The following ATF5 variants were observed in gnomAD, a reference collection of about 807,000 sequenced individuals.
The protein encoded by ATF5 is cyclic AMP-dependent transcription factor ATF-5.
Under a neutral mutation model 4.6 loss-of-function variants are expected in ATF5, and 6 were observed. That is an observed-to-expected ratio of 1.31 (90% confidence interval 0.72 to 2.59). ATF5 has a LOEUF of 2.59. Among genes scored for constraint, ATF5 ranks in the 30% most tolerant of loss-of-function variants. The pLI, the probability that ATF5 is intolerant of heterozygous loss-of-function variation, is 0.00. For missense variants in ATF5, 410 were observed against 368.7 expected (o/e 1.11, Z -0.92); for synonymous variants, 193 against 165.0 (o/e 1.17, Z -1.30).
rs1231723994 is a variant in ATF5, at chr19:49,933,593, A to T, written c.*501A>T. 6.5e-6 allele frequency: 1 copy of T among 154,514 alleles called. No homozygotes were observed. The highest frequency in any genetic ancestry group is 1.4e-5 in the Non-Finnish European group (1 of 69,362). 9.6% of individuals were successfully genotyped at this position (154,514 alleles called of 1,614,324 possible). Reference sequence around the variant, plus strand: ...CTGGGGTGGGTGGAGTGGCGACAGGATAGAGCTGAAGGACTATGCAAATGA... The same window carrying T: ...CTGGGGTGGGTGGAGTGGCGACAGGTTAGAGCTGAAGGACTATGCAAATGA... On this transcript the variant is annotated 3_prime_UTR_variant, in exon 3 of 3. Transcript: ENST00000423777.
In ATF5 at chr19:49,932,446, C is replaced by A. The variant is rs745339766; in HGVS notation, c.203C>A (p.Thr68Asn). Reference protein sequence around the residue: ...LAGDGFSDWMTERVDFTALLP... With the variant: ...LAGDGFSDWMNERVDFTALLP... ...GGTGATGGCTTCTCTGACTGGATGA[C>A]TGAGCGAGTTGATTTCACAGCTCTC... Residue 68 changes from threonine to asparagine, a missense_variant, in exon 3 of 3, where the codon ACT becomes AAT. Transcript: ENST00000423777. 2 of 1,613,912 alleles carry A rather than the reference C, an allele frequency of 1.2e-6. No individual in the cohort carries two copies. The highest frequency in any genetic ancestry group is 1.7e-6 in the Non-Finnish European group (2 of 1,179,892).
intron 1 of ATF5, chr19:49,930,457 G>GTT (rs773330574): frequency 0.067 from 6,965 of 104,112 alleles, 240 homozygotes; most frequent in African/African-American, 0.16. Context: ...AGACCTTTAG[G>GTT]TTTTTTTTTT....
At position 49,932,493 on chromosome 19, in the gene ATF5, C is replaced by T. The variant is rs766910065; in HGVS notation, c.250C>T (p.Pro84Ser). 1.4e-6 allele frequency: 2 copies of T among 1,476,948 alleles called. No homozygotes were observed. Among genetic ancestry groups the T allele is most frequent in the African/African-American group, 1.4e-5 (1 of 69,770 alleles). The allele number at this position is 1,476,948 out of a possible 1,614,324, so 91.5% of individuals were successfully genotyped here. ...TCTCCTCCCTCTGGAGCCTCCCTTACCCCCCGGCACCCTCCCCCAACCTTC... is the reference window on the plus strand; with the variant it reads ...TCTCCTCCCTCTGGAGCCTCCCTTATCCCCCGGCACCCTCCCCCAACCTTC... ...TALLPLEPPL[P>S]PGTLPQPSPT... Residue 84 changes from proline to serine, a missense_variant, in exon 3 of 3, where the codon CCC (proline) becomes TCC (serine). Coordinates refer to ENST00000423777, the MANE Select transcript of ATF5 (RefSeq NM_001193646.2).
chr19:49,932,757 C>A lies in ATF5; in HGVS notation c.514C>A (p.Gln172Lys), dbSNP rs201970815. The A allele has an allele frequency of 3.1e-6, 5 of 1,608,558 alleles. No homozygotes were observed. The East Asian group carries it at 1.1e-4, about 36-fold the overall frequency. ...LAIYCRNEAG[Q>K]EEVGMPPLPP... ...CATCTACTGCCGCAACGAGGCCGGG[C>A]AGGAGGAAGTGGGGATGCCGCCTCT... The change falls in exon 3 of 3, where the codon CAG (glutamine) becomes AAG (lysine). Residue 172 changes from glutamine to lysine, a missense_variant. Coordinates refer to ENST00000423777, the MANE Select transcript of ATF5 (RefSeq NM_001193646.2).
At position 49,932,958 on chromosome 19, in the gene ATF5, G is replaced by A. The variant is rs2076082162; in HGVS notation, c.715G>A (p.Glu239Lys). The change falls in exon 3 of 3, where the codon GAG (glutamate) becomes AAG (lysine). Residue 239 changes from glutamate to lysine, a missense_variant. By Grantham distance (56) the Glu-to-Lys change is moderately conservative. Coordinates refer to ENST00000423777, the MANE Select transcript of ATF5 (RefSeq NM_001193646.2). ...KRAEGEALEG[E>K]CQGLEARNRE... The stretch of plus-strand genomic sequence containing the variant: ...GGCAGAGGGTGAGGCCCTGGAGGGC[G>A]AGTGCCAGGGGCTGGAGGCACGGAA... 7 of 1,613,906 alleles carry A rather than the reference G, an allele frequency of 4.3e-6. No homozygotes were observed. In the African/African-American group the frequency reaches 5.3e-5, roughly 12 times the overall value.
Position 49,932,866 on chromosome 19 carries a change from G to T in ATF5, c.623G>T (p.Gly208Val). The T allele has an allele frequency of 6.2e-7, 1 of 1,613,022 alleles. No individual in the cohort carries two copies. The highest frequency in any genetic ancestry group is 1.1e-5 in the South Asian group (1 of 90,956). The change falls in exon 3 of 3, where the codon GGG becomes GTG. Residue 208 changes from glycine (G) to valine (V), a missense_variant. Coordinates refer to ENST00000423777, the MANE Select transcript of ATF5 (RefSeq NM_001193646.2). ...TACCCACATCCTGCCACCACCCGAGGGGACCGCAAGCAAAAGAAGAGAGAC... is the reference window on the plus strand; with the variant it reads ...TACCCACATCCTGCCACCACCCGAGTGGACCGCAAGCAAAAGAAGAGAGAC... ...APYPHPATTRGDRKQKKRDQN... is the reference protein window; with the variant it reads ...APYPHPATTRVDRKQKKRDQN...
chr19:49,931,010 G>T lies in ATF5; in HGVS notation c.160G>T (p.Gly54Trp), dbSNP rs780825597. The T allele has an allele frequency of 3.2e-6, 5 of 1,554,042 alleles. No homozygotes were observed. The East Asian group carries it at 7.0e-5, about 22-fold the overall frequency. Reference protein sequence around the residue: ...GGALEGGLPVGGEPLAGDGFS... With the variant: ...GGALEGGLPVWGEPLAGDGFS... Reference sequence around the variant, plus strand: ...AGCCCTGGAGGGCGGGCTTCCAGTGGGGGGAGAGCCCCTGGCAGGTAAGGG... The same window carrying T: ...AGCCCTGGAGGGCGGGCTTCCAGTGTGGGGAGAGCCCCTGGCAGGTAAGGG... Residue 54 changes from glycine (G) to tryptophan (W), a missense_variant, in exon 2 of 3, where the codon GGG becomes TGG. Gly to Trp is a radical substitution (Grantham distance 184, BLOSUM62 -2). Transcript: ENST00000423777.
chr19:49,932,959 A>G lies in ATF5; in HGVS notation c.716A>G (p.Glu239Gly), dbSNP rs201848623. 6.2e-7 allele frequency: 1 copy of G among 1,614,022 alleles called. No homozygotes were observed. The highest frequency in any genetic ancestry group is 1.7e-5 in the Admixed American group (1 of 60,006). The change falls in exon 3 of 3, where the codon GAG becomes GGG. Residue 239 changes from glutamate to glycine, a missense_variant. By Grantham distance (98) the Glu-to-Gly change is moderately conservative. Transcript: ENST00000423777. Reference protein sequence around the residue: ...KRAEGEALEGECQGLEARNRE... With the variant: ...KRAEGEALEGGCQGLEARNRE... ...GCAGAGGGTGAGGCCCTGGAGGGCG[A>G]GTGCCAGGGGCTGGAGGCACGGAAT...
In ATF5 at chr19:49,932,570, G is replaced by A. The variant is rs757057492; in HGVS notation, c.327G>A (p.Leu109=). The A allele has an allele frequency of 5.0e-6, 8 of 1,597,046 alleles. No homozygotes were observed. In the South Asian group the frequency reaches 8.9e-5, roughly 18 times the overall value. The change falls in exon 3 of 3, where the codon CTG becomes CTA. Residue 109 remains leucine (L), a synonymous_variant. Transcript: ENST00000423777. The part of the protein sequence containing the change: ...EAMASLLKKE[L]EQMEDFFLDA... The stretch of plus-strand genomic sequence containing the variant: ...TGGCCTCCCTCCTCAAGAAGGAGCT[G>A]GAACAGATGGAAGACTTCTTCCTAG...
intron 2 of ATF5, among the ~76,000 whole-genome samples, chr19:49,931,503 C>T (rs34832536): frequency 0.16 from 23,912 of 152,010 alleles, 2,489 homozygotes; most frequent in Non-Finnish European, 0.24. Flanking sequence ...AAAAATTAGC[C>T]AGGCATGGTG....
At chr19:49,929,529 T>A (rs2076016644) in intron 1 of ATF5, 129 bp downstream of exon 1, 2 of 151,968 alleles carry the variant, frequency 1.3e-5, no homozygotes, top group Non-Finnish European at 2.9e-5. Context: ...GCAGAAGTAG[T>A]ACGGTGGGCC....
At position 49,933,163 on chromosome 19, in the gene ATF5, A is replaced by C. The variant is rs774334873; in HGVS notation, c.*71A>C. Reference sequence around the variant, plus strand: ...CCTTCATCCCCCTGCCTCTACCTTCATTCCAAACCCCTCTCGGCCGGGTGC... The same window carrying C: ...CCTTCATCCCCCTGCCTCTACCTTCCTTCCAAACCCCTCTCGGCCGGGTGC... On this transcript the variant is annotated 3_prime_UTR_variant, in exon 3 of 3. Transcript: ENST00000423777. The C allele has an allele frequency of 5.5e-6, 8 of 1,443,854 alleles. No individual in the cohort carries two copies. In the South Asian group the frequency reaches 1.1e-4, roughly 21 times the overall value. 89.4% of individuals were successfully genotyped at this position (1,443,854 alleles called of 1,614,324 possible).
chr19:49,929,031 G>A (rs2075988923), upstream of ATF5: 1 of 152,350 alleles, frequency 6.6e-6, no homozygotes, highest in Admixed American at 6.5e-5. Context: ...TGAGAGGGAG[G>A]AGGGTCCCGG....
chr19:49,929,806 G>T (rs2076025662), intron 1 of ATF5: 1 of 152,280 alleles, frequency 6.6e-6, no homozygotes, highest in Non-Finnish European at 1.5e-5. Context: ...GACCGCTCGG[G>T]CGACGTAGCA....
chr19:49,931,278 G>A (rs1479869123), intron 2 of ATF5: 1 of 406,310 alleles, frequency 2.5e-6, no homozygotes, highest in Non-Finnish European at 4.3e-6. Context: ...TAGCAGCTGA[G>A]CTACAAAATG....
At chr19:49,929,172 T>C (rs772636098), upstream of ATF5, 1 of 144,906 alleles carries the variant, frequency 6.9e-6, no homozygotes, top group African/African-American at 2.5e-5. Flanking sequence ...CGCCACCCAG[T>C]ATATATCTGT....
chr19:49,932,487 C>T lies in ATF5; in HGVS notation c.244C>T (p.Pro82Ser), dbSNP rs1159632230. 5 of 1,599,082 alleles carry T rather than the reference C, an allele frequency of 3.1e-6. No homozygotes were observed. The highest frequency in any genetic ancestry group is 1.7e-5 in the Admixed American group (1 of 59,586). Residue 82 changes from proline to serine, a missense_variant, in exon 3 of 3, where the codon CCC becomes TCC. Physicochemically the swap from Pro to Ser is moderately conservative, Grantham distance 74. Transcript: ENST00000423777. ...DFTALLPLEPPLPPGTLPQPS... is the reference protein window; with the variant it reads ...DFTALLPLEPSLPPGTLPQPS... Reference sequence around the variant, plus strand: ...CACAGCTCTCCTCCCTCTGGAGCCTCCCTTACCCCCCGGCACCCTCCCCCA... The same window carrying T: ...CACAGCTCTCCTCCCTCTGGAGCCTTCCTTACCCCCCGGCACCCTCCCCCA...
In ATF5 at chr19:49,932,445, A is replaced by G. The variant is rs2076071803; in HGVS notation, c.202A>G (p.Thr68Ala). The change falls in exon 3 of 3, where the codon ACT becomes GCT. Residue 68 changes from threonine to alanine, a missense_variant. Physicochemically the swap from Thr to Ala is moderately conservative, Grantham distance 58. Transcript: ENST00000423777. ...LAGDGFSDWM[T>A]ERVDFTALLP... Reference sequence around the variant, plus strand: ...AGGTGATGGCTTCTCTGACTGGATGACTGAGCGAGTTGATTTCACAGCTCT... The same window carrying G: ...AGGTGATGGCTTCTCTGACTGGATGGCTGAGCGAGTTGATTTCACAGCTCT... 4.3e-6 allele frequency: 7 copies of G among 1,613,640 alleles called. No individual in the cohort carries two copies. The highest frequency in any genetic ancestry group is 1.7e-5 in the Admixed American group (1 of 59,966).
rs758325061 is a variant in ATF5 at position 49,932,594 on chromosome 19, A to T, written c.351A>T (p.Leu117=). ...TGGAACAGATGGAAGACTTCTTCCT[A>T]GATGCCCCGCCCCTCCCACCACCCT... ...KELEQMEDFF[L]DAPPLPPPSP... The change falls in exon 3 of 3, where the codon CTA becomes CTT. Residue 117 remains leucine, a synonymous_variant. Coordinates refer to ENST00000423777, the MANE Select transcript of ATF5 (RefSeq NM_001193646.2). 2 of 1,577,898 alleles carry T rather than the reference A, an allele frequency of 1.3e-6. No individual in the cohort carries two copies. The highest frequency in any genetic ancestry group is 8.6e-7 in the Non-Finnish European group (1 of 1,166,846).
Sources: gnomAD v4.1 joint callset for allele counts (sites outside exome capture counted in the v4.1 genomes callset) on GRCh38, gnomAD v4.1.1 for gene constraint, MANE v1.5 for transcripts, NCBI Gene and HGNC (gene_info 2026-07-23, HGNC 2026-07-21) for gene names.